The following GDPD1 variants were observed in gnomAD, a reference collection of about 807,000 sequenced individuals.
GDPD1 encodes lysophospholipase D GDPD1.
A neutral mutation model predicts 45.1 loss-of-function variants in GDPD1; 28 were observed. The observed-to-expected ratio is 0.62, with a 90% CI of 0.46 to 0.85. The LOEUF (loss-of-function observed/expected upper bound fraction) is 0.85. Ranked by LOEUF, GDPD1 falls within the 40% of genes least tolerant of loss-of-function variation. The pLI, the probability that GDPD1 is intolerant of heterozygous loss-of-function variation, is 0.00. For missense variants in GDPD1, 256 were observed against 364.8 expected (o/e 0.70, Z 2.43); for synonymous variants, 139 against 131.4 (o/e 1.06, Z -0.40).
chr17:59,257,213 A>C lies in GDPD1; in HGVS notation c.459A>C (p.Lys153Asn). 1 of 1,594,608 alleles carries C rather than the reference A, an allele frequency of 6.3e-7. No homozygotes were observed. Among genetic ancestry groups the C allele is most frequent in the East Asian group, 2.3e-5 (1 of 43,890 alleles). ...ACACTCCCATTAACATCGATATCAA[A>C]GTCAACAACAATGTGCTGATTAAGA... ...FPNTPINIDI[K>N]VNNNVLIKKV... Residue 153 changes from lysine (K) to asparagine (N), a missense_variant, in exon 5 of 10, where the codon AAA becomes AAC. Transcript: ENST00000284116.
chr17:59,274,512 C>CAAAAAAAAAAA lies in GDPD1; in HGVS notation c.*753_*763dup. 1 of 67,958 alleles carries CAAAAAAAAAAA rather than the reference C, an allele frequency of 1.5e-5. No homozygotes were observed. 4.2% of individuals were successfully genotyped at this position (67,958 alleles called of 1,614,324 possible). A position where few individuals can be genotyped will look rare whatever the true frequency, so the allele number is the denominator to read the frequency against. ...TGGGAGACAGAGTGAGACTCCGTCT[C>CAAAAAAAAAAA]AAAAAAAAAAAAAAAAAAAAAAAAT... On this transcript the variant is annotated 3_prime_UTR_variant, in exon 10 of 10. Transcript: ENST00000284116.
At position 59,273,729 on chromosome 17, in the gene GDPD1, T is replaced by C; in HGVS notation, c.901T>C (p.Tyr301His). 6.3e-7 allele frequency: 1 copy of C among 1,589,432 alleles called. No homozygotes were observed. The highest frequency in any genetic ancestry group is 1.1e-5 in the South Asian group (1 of 87,000). Residue 301 changes from tyrosine to histidine, a missense_variant, in exon 10 of 10, where the codon TAT becomes CAT. Tyr to His is a moderately conservative substitution (Grantham distance 83). Coordinates refer to ENST00000284116, the MANE Select transcript of GDPD1 (RefSeq NM_182569.4). ...GGGAGCAACTGGGGTGATGACAGAC[T>C]ATCCAACAAAGCTTAGGGATTTTTT... ...DLGATGVMTD[Y>H]PTKLRDFLHN...
intron 4 of GDPD1, among the ~76,000 whole-genome samples, chr17:59,252,249 A>G (rs781528081): frequency 2.9e-4 from 44 of 151,670 alleles, no homozygotes; most frequent in Admixed American, 1.2e-3. Context: ...AAATTTTTAA[A>G]TTTTTATTAT....
chr17:59,238,386 G>A (rs1393763082), intron 2 of GDPD1, among the ~76,000 whole-genome samples: 1 of 151,092 alleles, frequency 6.6e-6, no homozygotes, highest in Non-Finnish European at 1.5e-5. Context: ...TCTCCCTTAG[G>A]TTATGAATAT....
In GDPD1 at chr17:59,261,368, T is replaced by C. The variant is rs540039199; in HGVS notation, c.576+3528T>C. Reference sequence around the variant, plus strand: ...ATCACTGGACTGAGTGGCTTTAGATTCCTAAGAACTTAGAACTTAGACTCT... The same window carrying C: ...ATCACTGGACTGAGTGGCTTTAGATCCCTAAGAACTTAGAACTTAGACTCT... On this transcript the variant is annotated intron_variant, in intron 6 of 9. Coordinates refer to ENST00000284116, the MANE Select transcript of GDPD1 (RefSeq NM_182569.4). Among the ~76,000 whole-genome samples the C allele has an allele frequency of 1.4e-4, 21 of 152,254 alleles. No individual in the cohort carries two copies. The East Asian group carries it at 4.0e-3, about 29-fold the overall frequency.
chr17:59,274,296 T>A lies in GDPD1; in HGVS notation c.*523T>A. On this transcript the variant is annotated 3_prime_UTR_variant, in exon 10 of 10. Transcript: ENST00000284116. Reference sequence around the variant, plus strand: ...GGGAGGCTGAGACAGGCGGATCATCTGAAGTCAGGAGTTAAAGACCAGCCT... The same window carrying A: ...GGGAGGCTGAGACAGGCGGATCATCAGAAGTCAGGAGTTAAAGACCAGCCT... 7.8e-6 allele frequency: 2 copies of A among 257,816 alleles called. No individual in the cohort carries two copies. Among genetic ancestry groups the A allele is most frequent in the Non-Finnish European group, 1.2e-5 (2 of 164,830 alleles). 16.0% of individuals were successfully genotyped at this position (257,816 alleles called of 1,614,324 possible).
At chr17:59,267,000 CA>C in intron 6 of GDPD1, 40 bp from the exon 7 acceptor site, 1 of 1,495,574 alleles carries the variant, frequency 6.7e-7, no homozygotes, top group Non-Finnish European at 9.3e-7. Flanking sequence ...TTTATTTGAG[CA>C]GTTGTAAAAA....
chr17:59,264,314 G>A (rs1289411673), intron 6 of GDPD1, among the ~76,000 whole-genome samples: 2 of 145,740 alleles, frequency 1.4e-5, no homozygotes, highest in Admixed American at 1.4e-4. Flanking sequence ...TTTTTTTTTT[G>A]AGACAGAGTC....
chr17:59,255,786 C>CAA (rs2047296379), intron 4 of GDPD1, among the ~76,000 whole-genome samples: 1 of 40,418 alleles, frequency 2.5e-5, no homozygotes, highest in Non-Finnish European at 4.1e-5. Context: ...TATATATATA[C>CAA]GCGTATATAT....
intron 1 of GDPD1, among the ~76,000 whole-genome samples, chr17:59,221,228 G>T (rs909058442): frequency 6.6e-6 from 1 of 151,964 alleles, no homozygotes; most frequent in Non-Finnish European, 1.5e-5. Context: ...CATGAAGCTG[G>T]ACGAGCTGTA....
chr17:59,266,959 G>A, intron 6 of GDPD1, 82 bp from the exon 7 acceptor site: 1 of 1,149,348 alleles, frequency 8.7e-7, no homozygotes, highest in Non-Finnish European at 1.3e-6. Flanking sequence ...ACATTGTCTT[G>A]GGAAATACTG....
At chr17:59,245,335 C>A in intron 2 of GDPD1, 79 bp from the exon 3 acceptor site, 3 of 1,115,676 alleles carry the variant, frequency 2.7e-6, no homozygotes, top group Non-Finnish European at 3.9e-6. Context: ...GGATTTGTAA[C>A]TCTGAATTGT....
intron 6 of GDPD1, among the ~76,000 whole-genome samples, chr17:59,259,932 A>G (rs1320789810): frequency 6.7e-6 from 1 of 149,562 alleles, no homozygotes; most frequent in Non-Finnish European, 1.5e-5. Flanking sequence ...ATGGTGGCAC[A>G]TGCCTGTAGT....
intron 1 of GDPD1, among the ~76,000 whole-genome samples, chr17:59,228,674 G>T (rs8079076): frequency 0.27 from 41,669 of 151,584 alleles, 6,433 homozygotes; most frequent in African/African-American, 0.41. Context: ...CTTGAGTCTA[G>T]GAGTTTGAGA....
chr17:59,254,944 A>ACCACAG (rs2047285062), intron 4 of GDPD1, among the ~76,000 whole-genome samples: 1 of 152,174 alleles, frequency 6.6e-6, no homozygotes, highest in African/African-American at 2.4e-5. Flanking sequence ...TCATATATTT[A>ACCACAG]GTCTGTGGTC....
rs550872448 is a variant in GDPD1, at chr17:59,221,375, C to T, written c.142+624C>T. On this transcript the variant is annotated intron_variant, in intron 1 of 9. Transcript: ENST00000284116. ...AATTAGAGCTAGGGCTGAACTGAGA[C>T]AGGAGCTACAGCGTCCTGGTCCTCA... 2.0e-5 allele frequency among the ~76,000 whole-genome samples: 3 copies of T among 150,404 alleles called. No homozygotes were observed. The East Asian group carries it at 5.9e-4, about 30-fold the overall frequency.
At position 59,274,728 on chromosome 17, in the gene GDPD1, A is replaced by G. The variant is rs182418599; in HGVS notation, c.*955A>G. 2.0e-5 allele frequency among the ~76,000 whole-genome samples: 3 copies of G among 151,216 alleles called. No individual in the cohort carries two copies. In the East Asian group the frequency reaches 5.9e-4, roughly 30 times the overall value. ...GGGAGGCGGAGCTTGCAGTGAGCCG[A>G]GATCGCGCCACTGCACTCCAGCCTG... On this transcript the variant is annotated 3_prime_UTR_variant, in exon 10 of 10. Coordinates refer to ENST00000284116, the MANE Select transcript of GDPD1 (RefSeq NM_182569.4).
intron 1 of GDPD1, among the ~76,000 whole-genome samples, chr17:59,232,101 A>C (rs1225213632): frequency 6.6e-6 from 1 of 152,184 alleles, no homozygotes; most frequent in Non-Finnish European, 1.5e-5. Context: ...ATATGTCGAC[A>C]AAGTGAGAAA....
At chr17:59,243,378 C>T (rs1210865827) in intron 2 of GDPD1, among the ~76,000 whole-genome samples, 1 of 151,976 alleles carries the variant, frequency 6.6e-6, no homozygotes, top group Non-Finnish European at 1.5e-5. Flanking sequence ...TGGTGGGGCA[C>T]CTGTAATCCC....
Sources: allele counts gnomAD v4.1 joint callset (sites outside exome capture counted in the v4.1 genomes callset), GRCh38; gene constraint gnomAD v4.1.1; transcripts MANE v1.5; gene names NCBI Gene and HGNC (gene_info 2026-07-23, HGNC 2026-07-21).